F10: variants seen among roughly 807,000 people sequenced by gnomAD.
F10 encodes Stuart-Prower factor.
Under a neutral mutation model 37.1 loss-of-function variants are expected in F10, and 29 were observed. The observed-to-expected ratio is 0.78, with a 90% confidence interval of 0.58 to 1.07. The LOEUF is 1.07. Among genes scored for constraint, F10 ranks in the 50% least tolerant of loss-of-function variants. The pLI, the probability that F10 is intolerant of heterozygous loss-of-function variation, is 0.00. For synonymous variants in F10, 262 were observed against 268.6 expected (o/e 0.98, Z 0.24); for missense variants, 539 against 667.9 (o/e 0.81, Z 2.13).
intron 3 of F10, 73 bp downstream of exon 3, chr13:113,138,554 T>C: frequency 1.0e-6 from 1 of 968,080 alleles, no homozygotes. Context: ...AAATAGTTCC[T>C]GAATTTCCTT....
Position 113,149,013 on chromosome 13 carries a change from C to A in F10, c.963C>A (p.Phe321Leu). The change falls in exon 8 of 8, where the codon TTC becomes TTA. Residue 321 changes from phenylalanine to leucine, a missense_variant. Phe to Leu is a conservative substitution (Grantham distance 22, BLOSUM62 0). Around this residue, in one of 2 missense-constraint regions of F10, gnomAD observed 409 missense variants for 547.9 expected, o/e 0.75. Coordinates refer to ENST00000375559, the MANE Select transcript of F10 (RefSeq NM_000504.4). This position sits in a 1 kb window ranked among gnomAD's most constrained non-coding sequence, Gnocchi z 7.5. ...HNRFTKETYD[F>L]DIAVLRLKTP... ...GGTTCACAAAGGAGACCTATGACTT[C>A]GACATCGCCGTGCTCCGGCTCAAGA... 1 of 1,613,526 alleles carries A rather than the reference C, an allele frequency of 6.2e-7. No homozygotes were observed.
chr13:113,138,610 G>C (rs534931335), intron 3 of F10, 129 bp downstream of exon 3: 1 of 661,414 alleles, frequency 1.5e-6, no homozygotes, highest in Admixed American at 2.6e-5. Flanking sequence ...TTTCCCTCAG[G>C]GTGTTTCCAT....
rs1315933127 is a variant in F10 at position 113,149,465 on chromosome 13, C to T, written c.1415C>T (p.Pro472Leu). 1.9e-5 allele frequency: 30 copies of T among 1,613,212 alleles called. No individual in the cohort carries two copies. The highest frequency in any genetic ancestry group is 1.6e-4 in the Middle Eastern group (1 of 6,084). Residue 472 changes from proline to leucine, a missense_variant, in exon 8 of 8, where the codon CCC becomes CTC. Coordinates refer to ENST00000375559, the MANE Select transcript of F10 (RefSeq NM_000504.4). The surrounding 1 kb of genome is among the most constrained non-coding windows in gnomAD (Gnocchi z 7.5). Reference protein sequence around the residue: ...IDRSMKTRGLPKAKSHAPEVI... With the variant: ...IDRSMKTRGLLKAKSHAPEVI... ...AGGTCCATGAAAACCAGGGGCTTGC[C>T]CAAGGCCAAGAGCCATGCCCCGGAG...
At chr13:113,123,967 C>A (rs2036346202) in intron 1 of F10, among the ~76,000 whole-genome samples, 1 of 152,226 alleles carries the variant, frequency 6.6e-6, no homozygotes, top group African/African-American at 2.4e-5. Context: ...CCTGCAGGAG[C>A]CCACTGTGAT....
chr13:113,127,170 T>A (rs1477077278), intron 1 of F10, among the ~76,000 whole-genome samples: 1 of 152,208 alleles, frequency 6.6e-6, no homozygotes, highest in Non-Finnish European at 1.5e-5. Flanking sequence ...AAAACAGCTC[T>A]AAGAGTAGAT....
chr13:113,142,754 T>C lies in F10; in HGVS notation c.503-1097T>C, dbSNP rs1292540728. 5.9e-5 allele frequency among the ~76,000 whole-genome samples: 6 copies of C among 102,456 alleles called. 2 individuals carry two copies. The highest frequency in any genetic ancestry group is 1.0e-4 in the Admixed American group (1 of 9,556). 67.2% of individuals were successfully genotyped at this position (102,456 alleles called of 152,430 possible). A position where few individuals can be genotyped will look rare whatever the true frequency, so the allele number is the denominator to read the frequency against. On this transcript the variant is annotated intron_variant, in intron 5 of 7. Transcript: ENST00000375559. The stretch of plus-strand genomic sequence containing the variant: ...CAGCCTGGCCAACATGGTGAAACCC[T>C]GTCTCTATAAAAAAAAAAATACAAA...
chr13:113,148,352 A>ATATATATATATGTATATATATATGTG (rs1566922278), intron 7 of F10, among the ~76,000 whole-genome samples: 8 of 110,654 alleles, frequency 7.2e-5, no homozygotes, highest in Non-Finnish European at 8.7e-5. Flanking sequence ...AAAAATATAT[A>ATATATATATATGTATATATATATGTG]TATATATATA....
chr13:113,138,222 C>T (rs2138539751), intron 2 of F10, among the ~76,000 whole-genome samples: 1 of 152,302 alleles, frequency 6.6e-6, no homozygotes, highest in South Asian at 2.1e-4. Context: ...AAAATATTTT[C>T]AATATTCAAC....
chr13:113,147,477 G>T lies in F10; in HGVS notation c.846G>T (p.Lys282Asn), dbSNP rs2036592893. The T allele has an allele frequency of 6.2e-7, 1 of 1,613,056 alleles. No homozygotes were observed. Among genetic ancestry groups the T allele is most frequent in the African/African-American group, 1.3e-5 (1 of 74,944 alleles). ...LTAAHCLYQAKRFKVRVGDRN... is the reference protein window; with the variant it reads ...LTAAHCLYQANRFKVRVGDRN... ...CAGCCCACTGTCTCTACCAAGCCAA[G>T]AGATTCAAGGTGAGGGTAGGTAAGT... The change falls in exon 7 of 8, where the codon AAG (lysine) becomes AAT (asparagine). Residue 282 changes from lysine to asparagine, a missense_variant. Physicochemically the swap from Lys to Asn is moderately conservative, Grantham distance 94 (BLOSUM62 0). Coordinates refer to ENST00000375559, the MANE Select transcript of F10 (RefSeq NM_000504.4).
intron 2 of F10, among the ~76,000 whole-genome samples, chr13:113,133,331 A>G (rs1312140041): frequency 6.6e-6 from 1 of 152,178 alleles, no homozygotes; most frequent in Non-Finnish European, 1.5e-5. Context: ...AAAAACAAGA[A>G]AAAGGACCTA....
intron 1 of F10, 48 bp from the exon 2 acceptor site, chr13:113,129,404 T>C (rs753735589): frequency 6.2e-7 from 1 of 1,611,590 alleles, no homozygotes. Flanking sequence ...AGGGGGAGCC[T>C]GGGTGAGGGT....
At chr13:113,126,719 C>A (rs1267854242) in intron 1 of F10, among the ~76,000 whole-genome samples, 1 of 152,196 alleles carries the variant, frequency 6.6e-6, no homozygotes, top group Non-Finnish European at 1.5e-5. Context: ...CAAGGCAGAA[C>A]GCGGTCTTCA....
Position 113,139,867 on chromosome 13 carries a change from G to A in F10, c.370+397G>A, listed in dbSNP as rs2036511284. On this transcript the variant is annotated intron_variant, in intron 4 of 7. Coordinates refer to ENST00000375559, the MANE Select transcript of F10 (RefSeq NM_000504.4). This position sits in a 1 kb window ranked among gnomAD's most constrained non-coding sequence, Gnocchi z 5.2. ...ATTCTAAATCACCTCTTATTTATGTGTATGGATGCAGGTGTCAATATTTGT... is the reference window on the plus strand; with the variant it reads ...ATTCTAAATCACCTCTTATTTATGTATATGGATGCAGGTGTCAATATTTGT... Among the ~76,000 whole-genome samples, 2 of 152,102 alleles carry A rather than the reference G, an allele frequency of 1.3e-5. No individual in the cohort carries two copies. Among genetic ancestry groups the A allele is most frequent in the Non-Finnish European group, 2.9e-5 (2 of 68,020 alleles).
intron 7 of F10, 85 bp downstream of exon 7, chr13:113,147,581 G>A: frequency 1.2e-6 from 1 of 869,076 alleles, no homozygotes; most frequent in Non-Finnish European, 2.0e-6. Context: ...GATGGAATTT[G>A]TTGGGAACAC....
intron 1 of F10, among the ~76,000 whole-genome samples, chr13:113,126,611 C>T (rs573029663): frequency 6.6e-6 from 1 of 152,254 alleles, no homozygotes; most frequent in Admixed American, 6.5e-5. Flanking sequence ...GAGAAAAAAG[C>T]AGGCATATGT....
At chr13:113,140,073 CTT>C (rs11398393) in intron 4 of F10, among the ~76,000 whole-genome samples, 507 of 125,370 alleles carry the variant, frequency 4.0e-3, no homozygotes, top group Non-Finnish European at 6.3e-3. Flanking sequence ...AATTGATCAT[CTT>C]TTTTTTTTTT....
rs2036506965 is a variant in F10, at chr13:113,139,383, T to C, written c.283T>C (p.Cys95Arg). The C allele has an allele frequency of 6.2e-7, 1 of 1,613,814 alleles. No homozygotes were observed. Among genetic ancestry groups the C allele is most frequent in the Non-Finnish European group, 8.5e-7 (1 of 1,179,876 alleles). The change falls in exon 4 of 8, where the codon TGC becomes CGC. Residue 95 changes from cysteine to arginine, a missense_variant. Cys to Arg is a radical substitution (Grantham distance 180). This residue lies in a region of F10 where 409 missense variants were observed against 547.9 expected (regional missense o/e 0.75). Coordinates refer to ENST00000375559, the MANE Select transcript of F10 (RefSeq NM_000504.4). The surrounding 1 kb of genome is among the most constrained non-coding windows in gnomAD (Gnocchi z 5.2). ...KDGDQCETSP[C>R]QNQGKCKDGL... ...TGGCGACCAGTGTGAGACCAGTCCT[T>C]GCCAGAACCAGGGCAAATGTAAAGA...
intron 1 of F10, among the ~76,000 whole-genome samples, chr13:113,126,483 A>C (rs3212998): frequency 0.05 from 7,544 of 152,274 alleles, 287 homozygotes; most frequent in Non-Finnish European, 0.068. Context: ...AGTTCCTCTA[A>C]GAGGTCAGAG....
At chr13:113,140,454 C>A in intron 4 of F10, 2 of 464,688 alleles carry the variant, frequency 4.3e-6, no homozygotes, top group South Asian at 3.1e-5. Context: ...ATCAATTACG[C>A]ATCATTCCAT....
Sources: gnomAD v4.1 joint callset for allele counts (sites outside exome capture counted in the v4.1 genomes callset) on GRCh38, gnomAD v4.1.1 for gene constraint, gnomAD v4.1.1 regional missense constraint, Gnocchi (gnomAD v3.1) non-coding constraint, MANE v1.5 for transcripts, NCBI Gene and HGNC (gene_info 2026-07-23, HGNC 2026-07-21) for gene names.